Variants in OPRD1 observed in about 807,000 individuals in gnomAD.
OPRD1 encodes opioid receptor delta 1.
A neutral mutation model predicts 17.5 loss-of-function variants in OPRD1; 19 were observed. That is an observed-to-expected ratio of 1.09 (90% CI 0.76 to 1.60). The LOEUF (loss-of-function observed/expected upper bound fraction) is 1.60. OPRD1 is among the 40% of genes most tolerant of loss of function. OPRD1 has a pLI of 0.00. For missense variants in OPRD1, 483 were observed against 547.2 expected (o/e 0.88, Z 1.17); for synonymous variants, 256 against 240.9 (o/e 1.06, Z -0.58).
intron 1 of OPRD1, among the ~76,000 whole-genome samples, chr1:28,817,449 G>A (rs967203824): frequency 3.9e-5 from 6 of 152,144 alleles, no homozygotes; most frequent in African/African-American, 1.4e-4. Context: ...GTCTCCTGCC[G>A]AGGTTCCAGA....
intron 1 of OPRD1, among the ~76,000 whole-genome samples, chr1:28,856,595 C>T (rs544486925): frequency 3.5e-4 from 54 of 152,212 alleles, no homozygotes; most frequent in African/African-American, 1.2e-3. Flanking sequence ...CTCGGGGTGC[C>T]CGTGTGTTGC....
intron 1 of OPRD1, among the ~76,000 whole-genome samples, chr1:28,849,239 A>G (rs1323834515): frequency 2.7e-5 from 4 of 150,812 alleles, no homozygotes; most frequent in Non-Finnish European, 5.9e-5. Context: ...CCTCATCTCT[A>G]TTTTAATTTT....
intron 1 of OPRD1, among the ~76,000 whole-genome samples, chr1:28,846,072 C>T (rs370526663): frequency 1.2e-4 from 19 of 152,288 alleles, no homozygotes; most frequent in East Asian, 7.7e-4. Flanking sequence ...TTTCCGCTGC[C>T]GCCTCTCCTG....
At chr1:28,840,025 A>T (rs1306328125) in intron 1 of OPRD1, among the ~76,000 whole-genome samples, 1 of 152,160 alleles carries the variant, frequency 6.6e-6, no homozygotes, top group Non-Finnish European at 1.5e-5. Flanking sequence ...TCCTCCAGTA[A>T]GCGCTGTGTC....
chr1:28,821,806 A>G (rs139214697), intron 1 of OPRD1, among the ~76,000 whole-genome samples: 179 of 151,942 alleles, frequency 1.2e-3, no homozygotes, highest in African/African-American at 4.2e-3. Flanking sequence ...TTGGGAGGCC[A>G]TGGTGGGAGG....
rs2147753636 is a variant in OPRD1, at chr1:28,865,503, G to A, written c.*2220G>A. On this transcript the variant is annotated 3_prime_UTR_variant, in exon 3 of 3. Transcript: ENST00000234961. ...CCAAGAGGGGCTTTGGGCACATTAG[G>A]GGGAAGGGATGCTCTCAGAGGGCAA... 6.6e-6 allele frequency: 1 copy of A among 152,338 alleles called. No individual in the cohort carries two copies. The highest frequency in any genetic ancestry group is 1.9e-4 in the East Asian group (1 of 5,186). 9.4% of individuals were successfully genotyped at this position (152,338 alleles called of 1,614,324 possible). A position where few individuals can be genotyped will look rare whatever the true frequency, so the allele number is the denominator to read the frequency against.
chr1:28,812,421 C>T lies in OPRD1; in HGVS notation c.38C>T (p.Pro13Leu). The change falls in exon 1 of 3, where the codon CCC becomes CTC. Residue 13 changes from proline (P) to leucine (L), a missense_variant. Coordinates refer to ENST00000234961, the MANE Select transcript of OPRD1 (RefSeq NM_000911.4). ...CCCTCCGCCGGCGCCGAGCTGCAGC[C>T]CCCGCTCTTCGCCAACGCCTCGGAC... ...PAPSAGAELQ[P>L]PLFANASDAY... 2 of 1,485,950 alleles carry T rather than the reference C, an allele frequency of 1.3e-6. No individual in the cohort carries two copies. The highest frequency in any genetic ancestry group is 1.3e-5 in the South Asian group (1 of 78,890). The allele number at this position is 1,485,950 out of a possible 1,614,324, so 92.0% of individuals were successfully genotyped here.
rs2089084663 is a variant in OPRD1 at position 28,859,011 on chromosome 1, T to C, written c.285T>C (p.Asp95=). 1.9e-6 allele frequency: 3 copies of C among 1,614,002 alleles called. No homozygotes were observed. Among genetic ancestry groups the C allele is most frequent in the South Asian group, 1.1e-5 (1 of 91,086 alleles). The part of the protein sequence containing the change: ...NIYIFNLALA[D]ALATSTLPFQ... ...ACATCTTCAACCTGGCCTTAGCCGATGCGCTGGCCACCAGCACGCTGCCTT... is the reference window on the plus strand; with the variant it reads ...ACATCTTCAACCTGGCCTTAGCCGACGCGCTGGCCACCAGCACGCTGCCTT... The change falls in exon 2 of 3, where the codon GAT becomes GAC. Residue 95 remains aspartate (D), a synonymous_variant. Coordinates refer to ENST00000234961, the MANE Select transcript of OPRD1 (RefSeq NM_000911.4).
intron 1 of OPRD1, among the ~76,000 whole-genome samples, chr1:28,813,763 C>T (rs1286528839): frequency 1.3e-5 from 2 of 152,176 alleles, no homozygotes; most frequent in Non-Finnish European, 2.9e-5. Flanking sequence ...CTGTGGGTGC[C>T]ACCATGCAGG....
At chr1:28,846,432 G>C (rs866386229) in intron 1 of OPRD1, among the ~76,000 whole-genome samples, 6 of 119,240 alleles carry the variant, frequency 5.0e-5, no homozygotes, top group African/African-American at 1.5e-4. Context: ...ATGGCAGAGA[G>C]AAAGAGAGAG....
In OPRD1 at chr1:28,865,148, T is replaced by TCAA. The variant is rs2089165727; in HGVS notation, c.*1867_*1868insACA. On this transcript the variant is annotated 3_prime_UTR_variant, in exon 3 of 3. Coordinates refer to ENST00000234961, the MANE Select transcript of OPRD1 (RefSeq NM_000911.4). ...TCCTGGATCTTTGCTTCCCAGAATATCAGTGTCTGTCCTTGTTCTCTGTAC... is the reference window on the plus strand; with the variant it reads ...TCCTGGATCTTTGCTTCCCAGAATATCAACAGTGTCTGTCCTTGTTCTCTGTAC... 6.6e-6 allele frequency: 1 copy of TCAA among 152,256 alleles called. No homozygotes were observed. The highest frequency in any genetic ancestry group is 1.5e-5 in the Non-Finnish European group (1 of 68,064). The allele number at this position is 152,256 out of a possible 1,614,324, so 9.4% of individuals were successfully genotyped here.
At chr1:28,834,552 A>G (rs1256051854) in intron 1 of OPRD1, among the ~76,000 whole-genome samples, 2 of 150,726 alleles carry the variant, frequency 1.3e-5, no homozygotes, top group Non-Finnish European at 3.0e-5. Flanking sequence ...GGTAATTTTT[A>G]AATTTTTGAT....
At chr1:28,821,229 A>G (rs951513796) in intron 1 of OPRD1, among the ~76,000 whole-genome samples, 2 of 151,938 alleles carry the variant, frequency 1.3e-5, no homozygotes, top group Non-Finnish European at 1.5e-5. Flanking sequence ...CAGCCTCCCA[A>G]GTAGCTGGGA....
At chr1:28,855,186 C>T (rs1473975912) in intron 1 of OPRD1, among the ~76,000 whole-genome samples, 1 of 152,002 alleles carries the variant, frequency 6.6e-6, no homozygotes, top group Non-Finnish European at 1.5e-5. Context: ...TCAGGGAGGG[C>T]CTCCCTGAGG....
At chr1:28,825,178 A>T (rs1364951663) in intron 1 of OPRD1, among the ~76,000 whole-genome samples, 2 of 152,004 alleles carry the variant, frequency 1.3e-5, no homozygotes. Context: ...GCCACCTTGT[A>T]TGTCAAGTTC....
At chr1:28,826,084 G>A (rs936189656) in intron 1 of OPRD1, among the ~76,000 whole-genome samples, 2 of 152,166 alleles carry the variant, frequency 1.3e-5, no homozygotes, top group Non-Finnish European at 2.9e-5. Flanking sequence ...GAAGTCAACC[G>A]AAACAGGCAT....
rs1229282433 is a variant in OPRD1 at position 28,866,837 on chromosome 1, C to T, written c.*3554C>T. 2 of 152,104 alleles carry T rather than the reference C, an allele frequency of 1.3e-5. No individual in the cohort carries two copies. Among genetic ancestry groups the T allele is most frequent in the African/African-American group, 4.8e-5 (2 of 41,388 alleles). 9.4% of individuals were successfully genotyped at this position (152,104 alleles called of 1,614,324 possible). A position where few individuals can be genotyped will look rare whatever the true frequency, so the allele number is the denominator to read the frequency against. On this transcript the variant is annotated 3_prime_UTR_variant, in exon 3 of 3. Transcript: ENST00000234961. Reference sequence around the variant, plus strand: ...GTACTGTGCATGGTGCATTTTAAAGCTCTAAATTGACAGTGTAATTCTAGA... The same window carrying T: ...GTACTGTGCATGGTGCATTTTAAAGTTCTAAATTGACAGTGTAATTCTAGA...
At chr1:28,849,151 C>G (rs1449832069) in intron 1 of OPRD1, among the ~76,000 whole-genome samples, 1 of 152,000 alleles carries the variant, frequency 6.6e-6, no homozygotes, top group East Asian at 1.9e-4. Flanking sequence ...GCCTGTAATC[C>G]CAGCACTTTG....
intron 1 of OPRD1, among the ~76,000 whole-genome samples, chr1:28,858,501 A>G (rs1301156774): frequency 1.3e-5 from 2 of 151,516 alleles, no homozygotes; most frequent in African/African-American, 4.9e-5. Context: ...GAGCGATGCC[A>G]AATCAGATAG....
Sources: gnomAD v4.1 joint callset for allele counts (sites outside exome capture counted in the v4.1 genomes callset) on GRCh38, gnomAD v4.1.1 for gene constraint, MANE v1.5 for transcripts, NCBI Gene and HGNC (gene_info 2026-07-23, HGNC 2026-07-21) for gene names.